Variants in COBL observed in about 807,000 individuals in gnomAD.
The protein encoded by COBL is protein cordon-bleu.
In COBL, 51 loss-of-function variants were observed where a neutral mutation model predicts 98.8. That is an observed-to-expected ratio of 0.52 (90% CI 0.41 to 0.65). The LOEUF (loss-of-function observed/expected upper bound fraction) is 0.65. COBL is among the 30% of genes least tolerant of loss of function. The pLI is 0.00. For synonymous variants in COBL, 634 were observed against 651.7 expected, an observed-to-expected ratio of 0.97 and a Z score of 0.41; for missense variants, 1,617 against 1,617.5, an observed-to-expected ratio of 1.00 and a Z score of 0.01.
intron 6 of COBL, among the ~76,000 whole-genome samples, chr7:51,101,295 G>A (rs919781535): frequency 1.3e-5 from 2 of 152,218 alleles, no homozygotes; most frequent in Non-Finnish European, 2.9e-5. Context: ...TCTGGTAGAT[G>A]TATTTAGAGA....
intron 5 of COBL, among the ~76,000 whole-genome samples, chr7:51,177,738 A>C (rs2129047910): frequency 6.6e-6 from 1 of 151,840 alleles, no homozygotes; most frequent in South Asian, 2.1e-4. Context: ...ATGCCACTGC[A>C]CTCCAGTCTG....
intron 1 of COBL, among the ~76,000 whole-genome samples, chr7:51,221,858 G>C (rs898469655): frequency 1.3e-5 from 2 of 152,180 alleles, no homozygotes; most frequent in African/African-American, 4.8e-5. Context: ...TCATGTCACT[G>C]GTTAATGTAA....
At chr7:51,182,573 C>T (rs547105028) in intron 5 of COBL, among the ~76,000 whole-genome samples, 13 of 151,662 alleles carry the variant, frequency 8.6e-5, no homozygotes, top group Middle Eastern at 3.4e-3. Flanking sequence ...TGAGCCACCG[C>T]GCCCGGCCAC....
chr7:51,086,655 T>A (rs1794288460), intron 6 of COBL, among the ~76,000 whole-genome samples: 2 of 152,058 alleles, frequency 1.3e-5, no homozygotes, highest in African/African-American at 4.8e-5. Flanking sequence ...AGAGTGTGTG[T>A]GTGTAAAAAG....
chr7:51,185,792 A>C (rs1789437364), intron 4 of COBL, among the ~76,000 whole-genome samples: 1 of 152,260 alleles, frequency 6.6e-6, no homozygotes, highest in African/African-American at 2.4e-5. Flanking sequence ...ATGATTTCAC[A>C]TTTGAGTTAG....
At chr7:51,027,022 G>A (rs1787643566) in intron 10 of COBL, among the ~76,000 whole-genome samples, 1 of 152,212 alleles carries the variant, frequency 6.6e-6, no homozygotes, top group South Asian at 2.1e-4. Flanking sequence ...GCCTCTTAAT[G>A]GCAGACCACT....
At chr7:51,140,825 C>T (rs113434581) in intron 5 of COBL, among the ~76,000 whole-genome samples, 2,419 of 152,252 alleles carry the variant, frequency 0.016, 67 homozygotes, top group African/African-American at 0.055. Context: ...GTCTCCCTCG[C>T]TCATTGACTT....
chr7:51,283,845 G>T (rs750203538), intron 1 of COBL, among the ~76,000 whole-genome samples: 7 of 151,814 alleles, frequency 4.6e-5, no homozygotes, highest in Admixed American at 6.6e-5. Context: ...GGTTTCACTG[G>T]CCAATTTTAC....
chr7:51,036,578 A>G (rs1788664657), intron 8 of COBL, among the ~76,000 whole-genome samples: 1 of 152,042 alleles, frequency 6.6e-6, no homozygotes, highest in African/African-American at 2.4e-5. Context: ...TCAGTCCCAT[A>G]AGGATCCTCA....
In COBL at chr7:51,177,540, G is replaced by A. The variant is rs138617440; in HGVS notation, c.783+6562C>T. ...TGTAATCCCAGCACTCTGGGGGGCT[G>A]AGGCGGGCAGATCACCTGAGGTCAG... On this transcript the variant is annotated intron_variant, in intron 5 of 12. Transcript: ENST00000265136. 3.1e-3 allele frequency among the ~76,000 whole-genome samples: 470 copies of A among 152,242 alleles called. 2 individuals carry two copies. The highest frequency in any genetic ancestry group is 0.011 in the African/African-American group (439 of 41,538).
intron 1 of COBL, among the ~76,000 whole-genome samples, chr7:51,300,573 G>T (rs1801852584): frequency 6.6e-6 from 1 of 152,144 alleles, no homozygotes; most frequent in African/African-American, 2.4e-5. Flanking sequence ...ATGTCAGAAG[G>T]AGCTGCCTGC....
chr7:51,259,202 G>T (rs943184485), intron 1 of COBL, among the ~76,000 whole-genome samples: 5 of 150,580 alleles, frequency 3.3e-5, no homozygotes, highest in African/African-American at 1.2e-4. Context: ...CAGAAGAATC[G>T]CTTGAACCTG....
At chr7:51,285,509 T>C (rs1800276658) in intron 1 of COBL, among the ~76,000 whole-genome samples, 1 of 152,192 alleles carries the variant, frequency 6.6e-6, no homozygotes, top group South Asian at 2.1e-4. Flanking sequence ...ATTAAAATTT[T>C]AAAATGCCAT....
chr7:51,043,705 C>G lies in COBL; in HGVS notation c.1097-13G>C. ...AGGGGCAGGCTTACTGGACAAGACACGGCAAGGACAGGTCAGCCCAAACCA... is the reference window on the plus strand; with the variant it reads ...AGGGGCAGGCTTACTGGACAAGACAGGGCAAGGACAGGTCAGCCCAAACCA... On this transcript the variant is annotated splice_polypyrimidine_tract_variant and intron_variant, in intron 7 of 12. Transcript: ENST00000265136. 6.2e-7 allele frequency: 1 copy of G among 1,607,846 alleles called. No individual in the cohort carries two copies. Among genetic ancestry groups the G allele is most frequent in the South Asian group, 1.1e-5 (1 of 90,406 alleles).
rs150098053 is a variant in COBL at position 51,173,922 on chromosome 7, CACAT to C, written c.783+10176_783+10179del. 9.6e-3 allele frequency among the ~76,000 whole-genome samples: 1,461 copies of C among 152,204 alleles called. 19 individuals are homozygous for C. Among genetic ancestry groups the C allele is most frequent in the African/African-American group, 0.033 (1,380 of 41,540 alleles). On this transcript the variant is annotated intron_variant, in intron 5 of 12. Coordinates refer to ENST00000265136, the MANE Select transcript of COBL (RefSeq NM_015198.5). ...TATACACACATTCACACACATATGA[CACAT>C]ACACATATACACACATACCTATAAT...
At position 51,205,647 on chromosome 7, in the gene COBL, G is replaced by GTT. The variant is rs11463515; in HGVS notation, c.246-12060_246-12059dup. 3.3e-3 allele frequency among the ~76,000 whole-genome samples: 472 copies of GTT among 142,342 alleles called. 3 individuals carry two copies. Among genetic ancestry groups the GTT allele is most frequent in the Middle Eastern group, 0.029 (8 of 272 alleles). The allele number at this position is 142,342 out of a possible 152,430, so 93.4% of individuals were successfully genotyped here. On this transcript the variant is annotated intron_variant, in intron 2 of 12. Transcript: ENST00000265136. Reference sequence around the variant, plus strand: ...GTTTGTTTTTGTTTTTTGGTTTTTTGTTTTTTTTTTTTTTACAGATATGAC... The same window carrying GTT: ...GTTTGTTTTTGTTTTTTGGTTTTTTGTTTTTTTTTTTTTTTTACAGATATGAC...
intron 7 of COBL, among the ~76,000 whole-genome samples, chr7:51,074,259 G>A (rs921588272): frequency 3.5e-5 from 5 of 144,312 alleles, no homozygotes; most frequent in South Asian, 2.2e-4. Flanking sequence ...GCTGTGGCGC[G>A]ATCTCGGCTC....
At position 51,238,153 on chromosome 7, in the gene COBL, G is replaced by A. The variant is rs150262231; in HGVS notation, c.42-18209C>T. On this transcript the variant is annotated intron_variant, in intron 1 of 12. Transcript: ENST00000265136. ...GCGGCTTTGGGGGTCTCCCTTGGCC[G>A]CCTCCAGGCCTTCCACTGTACTGGT... Among the ~76,000 whole-genome samples, 137 of 152,352 alleles carry A rather than the reference G, an allele frequency of 9.0e-4. 1 individual carries two copies. Among genetic ancestry groups the A allele is most frequent in the East Asian group, 6.4e-3 (33 of 5,176 alleles).
chr7:51,252,173 T>C (rs953437927), intron 1 of COBL, among the ~76,000 whole-genome samples: 1 of 152,208 alleles, frequency 6.6e-6, no homozygotes, highest in Non-Finnish European at 1.5e-5. Context: ...TTTGTTTTCA[T>C]GACACTGGCT....
Sources: allele counts gnomAD v4.1 joint callset (sites outside exome capture counted in the v4.1 genomes callset), GRCh38; gene constraint gnomAD v4.1.1; transcripts MANE v1.5; gene names NCBI Gene and HGNC (gene_info 2026-07-23, HGNC 2026-07-21).